The following C1orf74 variants were observed in gnomAD, a reference collection of about 807,000 sequenced individuals.
The protein encoded by C1orf74 is chromosome 1 open reading frame 74.
In C1orf74, 5 loss-of-function variants were observed where a neutral mutation model predicts 7.3. That is an observed-to-expected ratio of 0.68 (90% CI 0.36 to 1.44). The LOEUF (loss-of-function observed/expected upper bound fraction) is 1.44, where lower values mean the gene tolerates loss of function less well. C1orf74 is among the 40% of genes most tolerant of loss of function. The pLI, the probability that C1orf74 is intolerant of heterozygous loss-of-function variation, is 0.04. For synonymous variants in C1orf74, 121 were observed against 132.5 expected, an observed-to-expected ratio of 0.91 and a Z score of 0.59; for missense variants, 291 against 314.3, an observed-to-expected ratio of 0.93 and a Z score of 0.56.
In C1orf74 at chr1:209,782,270, T is replaced by A; in HGVS notation, c.*555A>T. 1 of 733,170 alleles carries A rather than the reference T, an allele frequency of 1.4e-6. No individual in the cohort carries two copies. The highest frequency in any genetic ancestry group is 2.4e-6 in the Non-Finnish European group (1 of 421,162). The allele number at this position is 733,170 out of a possible 1,614,324, so 45.4% of individuals were successfully genotyped here. A position where few individuals can be genotyped will look rare whatever the true frequency, so the allele number is the denominator to read the frequency against. On this transcript the variant is annotated 3_prime_UTR_variant, in exon 2 of 2. Coordinates refer to ENST00000294811, the MANE Select transcript of C1orf74 (RefSeq NM_152485.4). ...TGACTTAGGATTTCTGACTTTTTAT[T>A]AATTTCTTAACCTACTGTAAATAAA... is the stretch of plus-strand genomic sequence containing the variant.
In C1orf74 at chr1:209,782,902, G is replaced by A. The variant is rs757794651; in HGVS notation, c.733C>T (p.Arg245Ter). 5.6e-6 allele frequency: 9 copies of A among 1,614,024 alleles called. No homozygotes were observed. The highest frequency in any genetic ancestry group is 1.3e-5 in the African/African-American group (1 of 74,908). ...GCAAAGTCATTCTGAGTCCTAAATC[G>A]GGTTCTGAGGTCCTTCTCCCAGGTG... ...LNTWEKDLRTRFRTQNDFADL... is the reference protein window; with the variant it reads ...LNTWEKDLRT Residue 245 changes from arginine to a stop codon, truncating the protein, a stop_gained, in exon 2 of 2, where the codon CGA (arginine) becomes TGA (stop). Coordinates refer to ENST00000294811, the MANE Select transcript of C1orf74 (RefSeq NM_152485.4). LOFTEE classifies it high-confidence loss of function.
rs2077789188 is a variant in C1orf74 at position 209,781,877 on chromosome 1, T to C, written c.*948A>G. On this transcript the variant is annotated 3_prime_UTR_variant, in exon 2 of 2. Transcript: ENST00000294811. ...ATACGGCTCCCTGGGCCAGAGAACA[T>C]TGGTTAAGTGGTTTTATCCCAAGAC... 1 of 590,580 alleles carries C rather than the reference T, an allele frequency of 1.7e-6. No homozygotes were observed. 36.6% of individuals were successfully genotyped at this position (590,580 alleles called of 1,614,324 possible). A position where few individuals can be genotyped will look rare whatever the true frequency, so the allele number is the denominator to read the frequency against.
rs147975379 is a variant in C1orf74, at chr1:209,784,338, T to C, written c.-76+40A>G. ...ACACACCCCACACCAGAGCATGTTATAGTGATTTGCTAAATGAGGCATAAG... is the reference window on the plus strand; with the variant it reads ...ACACACCCCACACCAGAGCATGTTACAGTGATTTGCTAAATGAGGCATAAG... On this transcript the variant is annotated intron_variant, in intron 1 of 1. Transcript: ENST00000294811. The C allele has an allele frequency of 3.0e-3, 461 of 152,382 alleles. 12 individuals carry two copies. The highest frequency in any genetic ancestry group is 7.6e-4 in the Non-Finnish European group (52 of 68,048). The allele number at this position is 152,382 out of a possible 1,614,324, so 9.4% of individuals were successfully genotyped here.
chr1:209,780,672 C>G lies in C1orf74; in HGVS notation c.*2153G>C. Reference sequence around the variant, plus strand: ...ATAGCAGAGAAACCTGGGAGGCAGTCAAAAAGCAGGGATTTCAAAGTTTAA... The same window carrying G: ...ATAGCAGAGAAACCTGGGAGGCAGTGAAAAAGCAGGGATTTCAAAGTTTAA... On this transcript the variant is annotated 3_prime_UTR_variant, in exon 2 of 2. Coordinates refer to ENST00000294811, the MANE Select transcript of C1orf74 (RefSeq NM_152485.4). The G allele has an allele frequency of 7.2e-7, 1 of 1,395,782 alleles. No individual in the cohort carries two copies. The highest frequency in any genetic ancestry group is 9.5e-7 in the Non-Finnish European group (1 of 1,055,296). 86.5% of individuals were successfully genotyped at this position (1,395,782 alleles called of 1,614,324 possible). A position where few individuals can be genotyped will look rare whatever the true frequency, so the allele number is the denominator to read the frequency against.
rs1422560877 is a variant in C1orf74 at position 209,782,878 on chromosome 1, CAA to C, written c.755_756del (p.Phe252CysfsTer2). On this transcript the variant is annotated frameshift_variant, in exon 2 of 2. Coordinates refer to ENST00000294811, the MANE Select transcript of C1orf74 (RefSeq NM_152485.4). LOFTEE classifies it high-confidence loss of function. ...ATCTCAGAGGAGATGCTGAGATCAG[CAA>C]AGTCATTCTGAGTCCTAAATCGGGT... ...LRTRFRTQND[F>X]ADLSISSEIV... 4 of 1,614,006 alleles carry C rather than the reference CAA, an allele frequency of 2.5e-6. No homozygotes were observed. Among genetic ancestry groups the C allele is most frequent in the African/African-American group, 2.7e-5 (2 of 74,916 alleles).
Position 209,780,703 on chromosome 1 carries a change from GA to G in C1orf74, c.*2121del. ...GCAGGGATTTCAAAGTTTAAGTTGTGAGTGGATAACCACAGACATTCATTTG... is the reference window on the plus strand; with the variant it reads ...GCAGGGATTTCAAAGTTTAAGTTGTGGTGGATAACCACAGACATTCATTTG... On this transcript the variant is annotated 3_prime_UTR_variant, in exon 2 of 2. Transcript: ENST00000294811. 8.3e-7 allele frequency: 1 copy of G among 1,208,780 alleles called. No individual in the cohort carries two copies. The highest frequency in any genetic ancestry group is 1.1e-6 in the Non-Finnish European group (1 of 909,208). The allele number at this position is 1,208,780 out of a possible 1,614,324, so 74.9% of individuals were successfully genotyped here.
At position 209,780,928 on chromosome 1, in the gene C1orf74, G is replaced by C; in HGVS notation, c.*1897C>G. 1 of 187,678 alleles carries C rather than the reference G, an allele frequency of 5.3e-6. No homozygotes were observed. The highest frequency in any genetic ancestry group is 1.2e-4 in the South Asian group (1 of 8,228). The allele number at this position is 187,678 out of a possible 1,614,324, so 11.6% of individuals were successfully genotyped here. Reference sequence around the variant, plus strand: ...CTTAAGTCTTTATATGTCTCTTAAAGAGTAAAACTCTTCCTTTGTACATAC... The same window carrying C: ...CTTAAGTCTTTATATGTCTCTTAAACAGTAAAACTCTTCCTTTGTACATAC... On this transcript the variant is annotated 3_prime_UTR_variant, in exon 2 of 2. Transcript: ENST00000294811.
At position 209,784,494 on chromosome 1, in the gene C1orf74, C is replaced by G. The variant is rs1169196502; in HGVS notation, c.-192G>C. The G allele has an allele frequency of 6.6e-6, 1 of 152,278 alleles. No homozygotes were observed. Among genetic ancestry groups the G allele is most frequent in the Non-Finnish European group, 1.5e-5 (1 of 68,054 alleles). 9.4% of individuals were successfully genotyped at this position (152,278 alleles called of 1,614,324 possible). ...CCAGCCGCAAGTAACACTGGAAAAC[C>G]CGCCTGCGCTGGGAAGACCCTCGCA... On this transcript the variant is annotated 5_prime_UTR_variant, in exon 1 of 2. Transcript: ENST00000294811.
chr1:209,781,757 A>G lies in C1orf74; in HGVS notation c.*1068T>C, dbSNP rs1291183974. ...GGTGGCAAGAACAGAAGGACACAAA[A>G]GTACTGGGGAATACAAAGAAAGAAT... On this transcript the variant is annotated 3_prime_UTR_variant, in exon 2 of 2. Transcript: ENST00000294811. 1 of 486,532 alleles carries G rather than the reference A, an allele frequency of 2.1e-6. No individual in the cohort carries two copies. Among genetic ancestry groups the G allele is most frequent in the Non-Finnish European group, 3.7e-6 (1 of 271,034 alleles). 30.1% of individuals were successfully genotyped at this position (486,532 alleles called of 1,614,324 possible). A position where few individuals can be genotyped will look rare whatever the true frequency, so the allele number is the denominator to read the frequency against.
At position 209,782,136 on chromosome 1, in the gene C1orf74, C is replaced by T. The variant is rs2077795891; in HGVS notation, c.*689G>A. 9.3e-6 allele frequency: 15 copies of T among 1,613,664 alleles called. No individual in the cohort carries two copies. The East Asian group carries it at 3.1e-4, about 34-fold the overall frequency. On this transcript the variant is annotated 3_prime_UTR_variant, in exon 2 of 2. Coordinates refer to ENST00000294811, the MANE Select transcript of C1orf74 (RefSeq NM_152485.4). ...CAGTGTTCCTGGCCAATAAAGACAA[C>T]CTGATGATCTGAATAATTTGTGACA...
chr1:209,783,452 T>A lies in C1orf74; in HGVS notation c.183A>T (p.Ala61=). ...KPAVLYDCNC[A]GASELQSYLE... The stretch of plus-strand genomic sequence containing the variant: ...GATAGCTCTGGAGCTCTGATGCCCC[T>A]GCACAGTTGCAATCATAGAGCACAG... Residue 61 remains alanine (A), a synonymous_variant, in exon 2 of 2, where the codon GCA becomes GCT. Coordinates refer to ENST00000294811, the MANE Select transcript of C1orf74 (RefSeq NM_152485.4). 1 of 1,614,168 alleles carries A rather than the reference T, an allele frequency of 6.2e-7. No individual in the cohort carries two copies. The highest frequency in any genetic ancestry group is 8.5e-7 in the Non-Finnish European group (1 of 1,180,018).
In C1orf74 at chr1:209,782,635, T is replaced by C; in HGVS notation, c.*190A>G. 1.6e-6 allele frequency: 1 copy of C among 626,526 alleles called. No individual in the cohort carries two copies. Among genetic ancestry groups the C allele is most frequent in the Non-Finnish European group, 2.8e-6 (1 of 357,614 alleles). The allele number at this position is 626,526 out of a possible 1,614,324, so 38.8% of individuals were successfully genotyped here. A position where few individuals can be genotyped will look rare whatever the true frequency, so the allele number is the denominator to read the frequency against. ...GTATAGAAATGGCAAGTATGTACTA[T>C]CTACCAATTTGCTACTAGCACCACC... On this transcript the variant is annotated 3_prime_UTR_variant, in exon 2 of 2. Coordinates refer to ENST00000294811, the MANE Select transcript of C1orf74 (RefSeq NM_152485.4).
In C1orf74 at chr1:209,783,034, G is replaced by C. The variant is rs1422681871; in HGVS notation, c.601C>G (p.Arg201Gly). The change falls in exon 2 of 2, where the codon CGA becomes GGA. Residue 201 changes from arginine (R) to glycine (G), a missense_variant. Coordinates refer to ENST00000294811, the MANE Select transcript of C1orf74 (RefSeq NM_152485.4). The part of the protein sequence containing the change: ...DDNCLALTPL[R>G]VFTARISWLL... ...CATGAGATCCGGGCAGTGAATACTC[G>C]TAGTGGAGTCAGAGCTAAGCAGTTG... is the stretch of plus-strand genomic sequence containing the variant. 2.5e-6 allele frequency: 4 copies of C among 1,614,160 alleles called. No individual in the cohort carries two copies. The highest frequency in any genetic ancestry group is 1.7e-5 in the Admixed American group (1 of 60,032).
Position 209,780,654 on chromosome 1 carries a change from A to G in C1orf74, c.*2171T>C. 1 of 1,462,092 alleles carries G rather than the reference A, an allele frequency of 6.8e-7. No homozygotes were observed. Among genetic ancestry groups the G allele is most frequent in the Non-Finnish European group, 9.1e-7 (1 of 1,094,390 alleles). The allele number at this position is 1,462,092 out of a possible 1,614,324, so 90.6% of individuals were successfully genotyped here. ...TGAGGGCTCATTTGCGAAATAGCAG[A>G]GAAACCTGGGAGGCAGTCAAAAAGC... On this transcript the variant is annotated 3_prime_UTR_variant, in exon 2 of 2. Coordinates refer to ENST00000294811, the MANE Select transcript of C1orf74 (RefSeq NM_152485.4).
chr1:209,782,569 T>G lies in C1orf74; in HGVS notation c.*256A>C. On this transcript the variant is annotated 3_prime_UTR_variant, in exon 2 of 2. Transcript: ENST00000294811. ...ATCATCTCCTTCCTTCTATCTTTTA[T>G]CCAGTGAAAATGAAAACATCTCCAC... The G allele has an allele frequency of 3.7e-6, 2 of 537,724 alleles. No homozygotes were observed. Among genetic ancestry groups the G allele is most frequent in the Non-Finnish European group, 6.6e-6 (2 of 301,454 alleles). The allele number at this position is 537,724 out of a possible 1,614,324, so 33.3% of individuals were successfully genotyped here.
At position 209,781,469 on chromosome 1, in the gene C1orf74, C is replaced by T. The variant is rs762212019; in HGVS notation, c.*1356G>A. On this transcript the variant is annotated 3_prime_UTR_variant, in exon 2 of 2. Transcript: ENST00000294811. ...CAGCTGCCTCCCAGAGTAAGAGGGT[C>T]TCTCCTTCCCATAAAGCCCTGGATG... The T allele has an allele frequency of 1.3e-6, 2 of 1,591,024 alleles. No individual in the cohort carries two copies. Among genetic ancestry groups the T allele is most frequent in the Non-Finnish European group, 8.6e-7 (1 of 1,159,440 alleles).
rs1019917098 is a variant in C1orf74 at position 209,782,558 on chromosome 1, T to C, written c.*267A>G. On this transcript the variant is annotated 3_prime_UTR_variant, in exon 2 of 2. Transcript: ENST00000294811. ...GCTTTTCCTCTATCATCTCCTTCCT[T>C]CTATCTTTTATCCAGTGAAAATGAA... 1.1e-5 allele frequency: 6 copies of C among 522,606 alleles called. No homozygotes were observed. The highest frequency in any genetic ancestry group is 1.1e-4 in the African/African-American group (6 of 52,490). The allele number at this position is 522,606 out of a possible 1,614,324, so 32.4% of individuals were successfully genotyped here. A position where few individuals can be genotyped will look rare whatever the true frequency, so the allele number is the denominator to read the frequency against.
In C1orf74 at chr1:209,782,802, TC is replaced by T; in HGVS notation, c.*22del. Reference sequence around the variant, plus strand: ...AGAGATGATCATTTACTGAGTACCTTCTATATGGGAGGAGAGTTAAAGTCAG... The same window carrying T: ...AGAGATGATCATTTACTGAGTACCTTTATATGGGAGGAGAGTTAAAGTCAG... On this transcript the variant is annotated 3_prime_UTR_variant, in exon 2 of 2. Coordinates refer to ENST00000294811, the MANE Select transcript of C1orf74 (RefSeq NM_152485.4). 1 of 1,605,614 alleles carries T rather than the reference TC, an allele frequency of 6.2e-7. No individual in the cohort carries two copies. The highest frequency in any genetic ancestry group is 8.5e-7 in the Non-Finnish European group (1 of 1,174,332).
intron 1 of C1orf74, among the ~76,000 whole-genome samples, chr1:209,783,999 C>A (rs938613397): frequency 6.6e-6 from 1 of 152,126 alleles, no homozygotes; most frequent in African/African-American, 2.4e-5. Context: ...GGGGCAGAGG[C>A]GGAGGCGGGG....
Sources: gnomAD v4.1 joint callset for allele counts (sites outside exome capture counted in the v4.1 genomes callset) on GRCh38, gnomAD v4.1.1 for gene constraint, MANE v1.5 for transcripts, NCBI Gene and HGNC (gene_info 2026-07-23, HGNC 2026-07-21) for gene names.